The following C7orf33 variants were observed in gnomAD, a reference collection of about 807,000 sequenced individuals.
The protein encoded by C7orf33 is chromosome 7 open reading frame 33, also known as uncharacterized protein C7orf33.
C7orf33 carries 15 observed loss-of-function variants against 13.4 expected under a neutral mutation model. The observed-to-expected ratio is 1.12, with a 90% confidence interval of 0.75 to 1.72. The LOEUF is 1.72. Among genes scored for constraint, C7orf33 ranks in the 40% most tolerant of loss-of-function variants. The probability of loss-of-function intolerance (pLI) is 0.00; values close to 1 mark genes in which losing one functional copy is unlikely to be tolerated. For synonymous variants in C7orf33, 73 were observed against 83.2 expected, an observed-to-expected ratio of 0.88 and a Z score of 0.67; for missense variants, 187 against 220.3, an observed-to-expected ratio of 0.85 and a Z score of 0.96.
chr7:148,591,220 ACT>A, intron 1 of C7orf33, 91 bp downstream of exon 1: 1 of 1,094,824 alleles, frequency 9.1e-7, no homozygotes, highest in South Asian at 1.3e-5. Context: ...AATGTTTTTG[ACT>A]CTCTACTATG....
At chr7:148,609,610 T>G (rs190517169) in intron 1 of C7orf33, among the ~76,000 whole-genome samples, 8 of 152,258 alleles carry the variant, frequency 5.3e-5, no homozygotes, top group African/African-American at 1.9e-4. Flanking sequence ...ACAACTGGAC[T>G]TTCTCTCTAA....
In C7orf33 at chr7:148,615,603, G is replaced by A. The variant is rs1796594120; in HGVS notation, c.*202G>A. 6 of 478,792 alleles carry A rather than the reference G, an allele frequency of 1.3e-5. No individual in the cohort carries two copies. In the Admixed American group the frequency reaches 2.0e-4, roughly 16 times the overall value. The allele number at this position is 478,792 out of a possible 1,614,324, so 29.7% of individuals were successfully genotyped here. On this transcript the variant is annotated 3_prime_UTR_variant, in exon 3 of 3. Transcript: ENST00000307003. ...AGCCCAAGTTCCACGTGTACCTGCA[G>A]GAATCTGTGTGGCATTTGTGCACTG...
chr7:148,611,998 G>A (rs1796549429), intron 1 of C7orf33, among the ~76,000 whole-genome samples: 1 of 152,242 alleles, frequency 6.6e-6, no homozygotes, highest in South Asian at 2.1e-4. Context: ...CTCCCTCCCT[G>A]TCCACCACAC....
At chr7:148,599,469 A>ATTTTTT (rs34816972) in intron 1 of C7orf33, among the ~76,000 whole-genome samples, 4 of 122,972 alleles carry the variant, frequency 3.3e-5, no homozygotes, top group African/African-American at 1.3e-4. Context: ...CAATTCTCAG[A>ATTTTTT]TTTTTTTTTT....
chr7:148,610,154 G>A (rs1044508285), intron 1 of C7orf33, among the ~76,000 whole-genome samples: 3 of 152,336 alleles, frequency 2.0e-5, no homozygotes, highest in Admixed American at 6.5e-5. Context: ...CACTTTGTGG[G>A]AAGTTTGATC....
At chr7:148,603,903 C>T (rs977953622) in intron 1 of C7orf33, among the ~76,000 whole-genome samples, 1 of 152,072 alleles carries the variant, frequency 6.6e-6, no homozygotes, top group African/African-American at 2.4e-5. Context: ...GGTATCTACC[C>T]AGAGGAAAAG....
intron 1 of C7orf33, among the ~76,000 whole-genome samples, chr7:148,613,083 A>G (rs1348225518): frequency 6.6e-6 from 1 of 152,168 alleles, no homozygotes; most frequent in Non-Finnish European, 1.5e-5. Context: ...AGAACAGCAG[A>G]ACTCATTTCT....
At chr7:148,593,840 G>A (rs537163220) in intron 1 of C7orf33, among the ~76,000 whole-genome samples, 1 of 152,016 alleles carries the variant, frequency 6.6e-6, no homozygotes, top group African/African-American at 2.4e-5. Flanking sequence ...ATATTTGCCC[G>A]GCTAAGTGTC....
At chr7:148,594,998 T>C (rs1177550383) in intron 1 of C7orf33, among the ~76,000 whole-genome samples, 1 of 152,032 alleles carries the variant, frequency 6.6e-6, no homozygotes, top group African/African-American at 2.4e-5. Context: ...CATTAGGGAC[T>C]CTTAAGAAGC....
intron 1 of C7orf33, among the ~76,000 whole-genome samples, chr7:148,604,668 C>A (rs558026194): frequency 5.5e-4 from 83 of 152,272 alleles, no homozygotes; most frequent in African/African-American, 1.9e-3. Flanking sequence ...AGAACTTATT[C>A]ATGTAACCAA....
At chr7:148,599,469 ATTTTTTTTT>A (rs34816972) in intron 1 of C7orf33, among the ~76,000 whole-genome samples, 2 of 122,974 alleles carry the variant, frequency 1.6e-5, no homozygotes, top group African/African-American at 6.4e-5. Context: ...CAATTCTCAG[ATTTTTTTTT>A]TTTTTTTTTT....
At chr7:148,614,710 A>C (rs1263270057) in intron 2 of C7orf33, among the ~76,000 whole-genome samples, 1 of 152,340 alleles carries the variant, frequency 6.6e-6, no homozygotes, top group Non-Finnish European at 1.5e-5. Context: ...GTGAGCCCGT[A>C]CAACCACTCA....
intron 1 of C7orf33, among the ~76,000 whole-genome samples, chr7:148,596,680 T>C (rs977426101): frequency 1.3e-5 from 2 of 152,126 alleles, no homozygotes; most frequent in African/African-American, 4.8e-5. Context: ...TCCCACCAGG[T>C]TCCTCCCACA....
Position 148,590,902 on chromosome 7 carries a change from G to A in C7orf33, c.-24G>A, listed in dbSNP as rs760275756. On this transcript the variant is annotated 5_prime_UTR_variant, in exon 1 of 3. Transcript: ENST00000307003. ...GCGCCGCTCTCCTTGACAGCATCCA[G>A]GAAAGGTAATTACCTTTGCCAAAAT... The A allele has an allele frequency of 6.8e-6, 11 of 1,610,992 alleles. No individual in the cohort carries two copies. In the African/African-American group the frequency reaches 1.5e-4, roughly 22 times the overall value.
chr7:148,609,557 C>CT (rs1233097047), intron 1 of C7orf33, among the ~76,000 whole-genome samples: 1 of 152,212 alleles, frequency 6.6e-6, no homozygotes, highest in Non-Finnish European at 1.5e-5. Context: ...ACATCTTCAT[C>CT]TTGAAGTTGG....
intron 1 of C7orf33, among the ~76,000 whole-genome samples, chr7:148,605,681 C>G (rs2116897963): frequency 6.6e-6 from 1 of 152,324 alleles, no homozygotes; most frequent in African/African-American, 2.4e-5. Flanking sequence ...CCTTGAAGGT[C>G]TGAGTTTTAG....
intron 1 of C7orf33, among the ~76,000 whole-genome samples, chr7:148,598,658 A>C (rs12056245): frequency 0.28 from 39,334 of 140,808 alleles, 6,712 homozygotes; most frequent in African/African-American, 0.49. Context: ...CTCTCTCTCT[A>C]TATATATATA....
intron 1 of C7orf33, among the ~76,000 whole-genome samples, chr7:148,598,044 G>T (rs1202251132): frequency 6.6e-6 from 1 of 152,104 alleles, no homozygotes; most frequent in Non-Finnish European, 1.5e-5. Flanking sequence ...AGTGAGCCAC[G>T]GCGCCCAGCC....
At chr7:148,593,349 G>A (rs370535825) in intron 1 of C7orf33, among the ~76,000 whole-genome samples, 13 of 152,092 alleles carry the variant, frequency 8.5e-5, no homozygotes, top group Non-Finnish European at 1.6e-4. Context: ...TGCAACATCC[G>A]CCTCCTGGAT....
Sources: allele counts gnomAD v4.1 joint callset (sites outside exome capture counted in the v4.1 genomes callset), GRCh38; gene constraint gnomAD v4.1.1; transcripts MANE v1.5; gene names NCBI Gene and HGNC (gene_info 2026-07-23, HGNC 2026-07-21).